PIP5K1B: variants seen among roughly 807,000 people sequenced by gnomAD.
The protein encoded by PIP5K1B is phosphatidylinositol-4-phosphate 5-kinase type 1 beta.
Under a neutral mutation model 67.0 loss-of-function variants are expected in PIP5K1B, and 42 were observed. The observed-to-expected ratio is 0.63, with a 90% confidence interval of 0.49 to 0.81. PIP5K1B has a LOEUF of 0.81. Among genes scored for constraint, PIP5K1B ranks in the 30% least tolerant of loss-of-function variants. The pLI is 0.00. For missense variants in PIP5K1B, 459 were observed against 646.3 expected (o/e 0.71, Z 3.14); for synonymous variants, 214 against 231.4 (o/e 0.92, Z 0.68).
chr9:68,766,684 G>A (rs187589448), intron 2 of PIP5K1B, among the ~76,000 whole-genome samples: 1 of 152,034 alleles, frequency 6.6e-6, no homozygotes, highest in East Asian at 1.9e-4. Context: ...GGGATTGTGG[G>A]TAATTTTCAA....
At chr9:68,825,802 G>A (rs934761805) in intron 4 of PIP5K1B, among the ~76,000 whole-genome samples, 5 of 152,192 alleles carry the variant, frequency 3.3e-5, no homozygotes, top group Admixed American at 6.5e-5. Flanking sequence ...CAAAAGGGAA[G>A]AAACCAATGT....
At chr9:68,879,523 G>A (rs148038223) in intron 6 of PIP5K1B, among the ~76,000 whole-genome samples, 2,865 of 152,106 alleles carry the variant, frequency 0.019, 49 homozygotes, top group South Asian at 0.045. Context: ...AGCCAAGTTC[G>A]GACCTCTGTA....
intron 1 of PIP5K1B, among the ~76,000 whole-genome samples, chr9:68,723,657 A>G (rs985201537): frequency 1.0e-4 from 9 of 89,452 alleles, no homozygotes; most frequent in African/African-American, 3.0e-4. Flanking sequence ...AGAAATGTCT[A>G]TTCAGGTCTT....
At position 69,008,519 on chromosome 9, in the gene PIP5K1B, A is replaced by G. The variant is rs1458074000; in HGVS notation, c.*70A>G. Reference sequence around the variant, plus strand: ...AGTTATGGCAGAGAAGTTTCTCCGCACCAGAATTATCCACAGCAACTTGGC... The same window carrying G: ...AGTTATGGCAGAGAAGTTTCTCCGCGCCAGAATTATCCACAGCAACTTGGC... On this transcript the variant is annotated 3_prime_UTR_variant, in exon 16 of 16. Transcript: ENST00000265382. 2 of 1,475,540 alleles carry G rather than the reference A, an allele frequency of 1.4e-6. No individual in the cohort carries two copies. The highest frequency in any genetic ancestry group is 1.4e-5 in the African/African-American group (1 of 72,338). 91.4% of individuals were successfully genotyped at this position (1,475,540 alleles called of 1,614,324 possible).
rs1350330328 is a variant in PIP5K1B, at chr9:68,705,381, CGCTCGGAGCT to C, written c.-620_-611del. 1 of 151,282 alleles carries C rather than the reference CGCTCGGAGCT, an allele frequency of 6.6e-6. No homozygotes were observed. The highest frequency in any genetic ancestry group is 6.6e-5 in the Admixed American group (1 of 15,200). 9.4% of individuals were successfully genotyped at this position (151,282 alleles called of 1,614,324 possible). A position where few individuals can be genotyped will look rare whatever the true frequency, so the allele number is the denominator to read the frequency against. On this transcript the variant is annotated 5_prime_UTR_variant, in exon 1 of 16. Coordinates refer to ENST00000265382, the MANE Select transcript of PIP5K1B (RefSeq NM_003558.4). ...GCGAGGCTGCGCCCGGCAGTGGAGC[CGCTCGGAGCT>C]GCTGGGCTTTGGCGGCCGCTCGCTG...
chr9:68,844,639 G>C (rs1169830628), intron 4 of PIP5K1B, among the ~76,000 whole-genome samples: 1 of 152,162 alleles, frequency 6.6e-6, no homozygotes, highest in African/African-American at 2.4e-5. Context: ...GAGAGCCAAA[G>C]GTGTTTGTTG....
intron 4 of PIP5K1B, among the ~76,000 whole-genome samples, chr9:68,847,952 C>T (rs1419147591): frequency 6.6e-6 from 1 of 152,174 alleles, no homozygotes; most frequent in Non-Finnish European, 1.5e-5. Flanking sequence ...GCTGCTATTT[C>T]TGTAATTCTA....
At chr9:68,848,300 A>G (rs1287193347) in intron 4 of PIP5K1B, among the ~76,000 whole-genome samples, 1 of 152,192 alleles carries the variant, frequency 6.6e-6, no homozygotes, top group African/African-American at 2.4e-5. Context: ...ATACCTGATC[A>G]TTTCTTACTT....
At chr9:68,777,009 A>C (rs1830950249) in intron 2 of PIP5K1B, among the ~76,000 whole-genome samples, 1 of 152,148 alleles carries the variant, frequency 6.6e-6, no homozygotes, top group Admixed American at 6.5e-5. Flanking sequence ...AAAAGAAAGA[A>C]AACCTAGGGC....
Position 68,845,952 on chromosome 9 carries a change from T to A in PIP5K1B, c.70-17885T>A, listed in dbSNP as rs145701035. On this transcript the variant is annotated intron_variant, in intron 4 of 15. Coordinates refer to ENST00000265382, the MANE Select transcript of PIP5K1B (RefSeq NM_003558.4). ...TTAGGAAGAGTTCCATTTAATAGTCTTTTTGTAAAACATGATCTAGGATTT... is the reference window on the plus strand; with the variant it reads ...TTAGGAAGAGTTCCATTTAATAGTCATTTTGTAAAACATGATCTAGGATTT... Among the ~76,000 whole-genome samples the A allele has an allele frequency of 4.0e-3, 615 of 152,362 alleles. 1 individual carries two copies. Among genetic ancestry groups the A allele is most frequent in the Non-Finnish European group, 6.6e-3 (448 of 68,026 alleles).
chr9:68,788,435 A>G (rs1412738708), intron 2 of PIP5K1B: 3 of 522,350 alleles, frequency 5.7e-6, no homozygotes, highest in African/African-American at 2.0e-5. Context: ...TCTTAACTAC[A>G]AGTTAATTTT....
At chr9:68,822,213 C>T (rs566267116) in intron 3 of PIP5K1B, among the ~76,000 whole-genome samples, 2 of 151,974 alleles carry the variant, frequency 1.3e-5, no homozygotes, top group South Asian at 4.2e-4. Flanking sequence ...CTCAGTTACT[C>T]GAGAGGCTGA....
intron 8 of PIP5K1B, among the ~76,000 whole-genome samples, chr9:68,916,990 T>G (rs2132511896): frequency 6.6e-6 from 1 of 152,312 alleles, no homozygotes; most frequent in Non-Finnish European, 1.5e-5. Flanking sequence ...ATTCTAGCTG[T>G]GTCTTCATGC....
At chr9:69,000,643 A>G (rs985309357) in intron 15 of PIP5K1B, among the ~76,000 whole-genome samples, 1 of 152,108 alleles carries the variant, frequency 6.6e-6, no homozygotes, top group Non-Finnish European at 1.5e-5. Flanking sequence ...TGTATCCAAA[A>G]TTCCCCTTTG....
At chr9:68,845,324 C>T (rs1287890842) in intron 4 of PIP5K1B, among the ~76,000 whole-genome samples, 1 of 152,160 alleles carries the variant, frequency 6.6e-6, no homozygotes, top group Non-Finnish European at 1.5e-5. Context: ...TCTTTTTCTA[C>T]CTTTGGTCAA....
rs911315576 is a variant in PIP5K1B, at chr9:68,997,110, G to A, written c.1620+5853G>A. ...GATTATTTAATGTGTTTTCAGGGTA[G>A]TTAATAATACTCTTTGATCATGGGA... On this transcript the variant is annotated intron_variant, in intron 15 of 15. Coordinates refer to ENST00000265382, the MANE Select transcript of PIP5K1B (RefSeq NM_003558.4). Among the ~76,000 whole-genome samples the A allele has an allele frequency of 1.2e-4, 19 of 152,322 alleles. No individual in the cohort carries two copies. In the South Asian group the frequency reaches 3.3e-3, roughly 27 times the overall value.
chr9:68,932,857 T>G (rs1184947439), intron 12 of PIP5K1B, among the ~76,000 whole-genome samples: 3 of 152,104 alleles, frequency 2.0e-5, no homozygotes, highest in African/African-American at 7.2e-5. Flanking sequence ...TCCTAGCACT[T>G]TGGGAGGCCA....
chr9:68,943,098 T>A (rs1827641351), intron 14 of PIP5K1B, among the ~76,000 whole-genome samples: 1 of 152,194 alleles, frequency 6.6e-6, no homozygotes, highest in African/African-American at 2.4e-5. Context: ...TGAGCCACCC[T>A]TTAAAAACCA....
At chr9:68,830,175 C>T (rs1267566804) in intron 4 of PIP5K1B, among the ~76,000 whole-genome samples, 1 of 151,986 alleles carries the variant, frequency 6.6e-6, no homozygotes, top group Non-Finnish European at 1.5e-5. Context: ...AAAAATTAAG[C>T]AGCAAGGAGG....
Sources: allele counts gnomAD v4.1 joint callset (sites outside exome capture counted in the v4.1 genomes callset), GRCh38; gene constraint gnomAD v4.1.1; transcripts MANE v1.5; gene names NCBI Gene and HGNC (gene_info 2026-07-23, HGNC 2026-07-21).